Variants in CSMD1 observed in about 807,000 individuals in gnomAD.
The protein encoded by CSMD1 is CUB and Sushi multiple domains 1.
In CSMD1, 213 loss-of-function variants were observed where a neutral mutation model predicts 417.5. The observed-to-expected ratio is 0.51, with a 90% CI of 0.46 to 0.57. The LOEUF (loss-of-function observed/expected upper bound fraction) is 0.57. Among genes scored for constraint, CSMD1 ranks in the 20% least tolerant of loss-of-function variants. CSMD1 has a pLI of 0.00. For synonymous variants in CSMD1, 2,862 were observed against 1,736.8 expected, an observed-to-expected ratio of 1.65 and a Z score of -16.11; for missense variants, 6,923 against 4,529.7, an observed-to-expected ratio of 1.53 and a Z score of -15.17.
At chr8:4,196,949 C>G (rs189396809) in intron 3 of CSMD1, among the ~76,000 whole-genome samples, 134 of 152,268 alleles carry the variant, frequency 8.8e-4, no homozygotes, top group African/African-American at 1.2e-3. Context: ...GTTCTTTGCT[C>G]CAATTTTAGT....
At chr8:3,384,807 A>ATACTATATATAAATATATGCTATT in intron 18 of CSMD1, among the ~76,000 whole-genome samples, 1 of 124,202 alleles carries the variant, frequency 8.1e-6, no homozygotes, top group Admixed American at 9.7e-5. Flanking sequence ...TGCTATTTAT[A>ATACTATATATAAATATATGCTATT]TATAAATATA....
intron 10 of CSMD1, among the ~76,000 whole-genome samples, chr8:3,543,110 C>G (rs748724665): frequency 3.9e-5 from 6 of 152,178 alleles, no homozygotes; most frequent in Non-Finnish European, 7.3e-5. Flanking sequence ...GTGAGCAAAT[C>G]TGTGCATCCT....
At chr8:4,358,057 TG>T (rs1453192769) in intron 3 of CSMD1, among the ~76,000 whole-genome samples, 1 of 152,212 alleles carries the variant, frequency 6.6e-6, no homozygotes, top group Non-Finnish European at 1.5e-5. Flanking sequence ...CTGATTTACA[TG>T]TATACTTACG....
At chr8:4,452,743 C>G (rs907184812) in intron 2 of CSMD1, among the ~76,000 whole-genome samples, 5 of 152,040 alleles carry the variant, frequency 3.3e-5, no homozygotes, top group Non-Finnish European at 7.4e-5. Context: ...ACAGGTTATT[C>G]ATCTTTCAAC....
intron 6 of CSMD1, among the ~76,000 whole-genome samples, chr8:3,742,381 A>G (rs553600189): frequency 1.7e-4 from 26 of 152,304 alleles, no homozygotes; most frequent in African/African-American, 6.3e-4. Flanking sequence ...ATTTTTCAAG[A>G]ACTATAAGTA....
chr8:4,603,481 A>G (rs1250841255), intron 2 of CSMD1, among the ~76,000 whole-genome samples: 1 of 152,156 alleles, frequency 6.6e-6, no homozygotes. Flanking sequence ...TGTTCCATAA[A>G]TAATAAAGGT....
At chr8:3,003,971 G>C (rs946248500) in intron 52 of CSMD1, among the ~76,000 whole-genome samples, 1 of 152,190 alleles carries the variant, frequency 6.6e-6, no homozygotes, top group Non-Finnish European at 1.5e-5. Context: ...GTCCAGCTTA[G>C]TACATAGTAG....
chr8:4,871,321 A>G (rs1802727858), intron 1 of CSMD1, among the ~76,000 whole-genome samples: 1 of 152,158 alleles, frequency 6.6e-6, no homozygotes, highest in South Asian at 2.1e-4. Context: ...TCACGGATTT[A>G]GATTTTCTGA....
chr8:3,747,123 G>C (rs868773107), intron 6 of CSMD1, among the ~76,000 whole-genome samples: 1 of 152,234 alleles, frequency 6.6e-6, no homozygotes, highest in Non-Finnish European at 1.5e-5. Context: ...CAGTTGTAAA[G>C]ACTGACATGA....
chr8:4,378,743 T>C (rs1802911668), intron 3 of CSMD1, among the ~76,000 whole-genome samples: 1 of 152,114 alleles, frequency 6.6e-6, no homozygotes, highest in Admixed American at 6.5e-5. Flanking sequence ...CTTTGGGAGA[T>C]TATGAGGTTA....
intron 1 of CSMD1, among the ~76,000 whole-genome samples, chr8:4,736,352 T>A (rs1810233438): frequency 6.6e-6 from 1 of 152,060 alleles, no homozygotes; most frequent in South Asian, 2.1e-4. Context: ...AATAAGGAGA[T>A]CACAATGGTT....
At chr8:4,512,862 G>T (rs549135553) in intron 2 of CSMD1, among the ~76,000 whole-genome samples, 1 of 150,480 alleles carries the variant, frequency 6.6e-6, no homozygotes, top group Admixed American at 6.6e-5. Context: ...CAGCTCTTTC[G>T]AACTTTAAAT....
chr8:4,230,152 T>G (rs771197016), intron 3 of CSMD1, among the ~76,000 whole-genome samples: 52 of 152,344 alleles, frequency 3.4e-4, no homozygotes, highest in South Asian at 8.3e-4. Flanking sequence ...CATATTGCAG[T>G]GCTGGGTATG....
chr8:4,887,366 G>C (rs2116983532), intron 1 of CSMD1, among the ~76,000 whole-genome samples: 1 of 152,060 alleles, frequency 6.6e-6, no homozygotes, highest in Non-Finnish European at 1.5e-5. Flanking sequence ...AATGTATTAA[G>C]GCTTATTTTA....
At chr8:3,270,128 C>A (rs2117145282) in intron 26 of CSMD1, among the ~76,000 whole-genome samples, 1 of 149,520 alleles carries the variant, frequency 6.7e-6, no homozygotes, top group African/African-American at 2.5e-5. Context: ...TGGCCCACTG[C>A]AACCTCTGCC....
chr8:3,308,658 G>C (rs1322979606), intron 23 of CSMD1, among the ~76,000 whole-genome samples, 155 bp from the exon 24 acceptor site: 4 of 151,234 alleles, frequency 2.6e-5, no homozygotes, highest in East Asian at 2.0e-4. Context: ...AGATGGGTCT[G>C]TACTGGGGCT....
chr8:3,715,154 C>T (rs1296344737), intron 6 of CSMD1, among the ~76,000 whole-genome samples: 3 of 152,148 alleles, frequency 2.0e-5, no homozygotes, highest in African/African-American at 7.2e-5. Context: ...ATTTTAAACA[C>T]ACATTTAATT....
intron 3 of CSMD1, among the ~76,000 whole-genome samples, chr8:4,208,584 C>T (rs997219196): frequency 6.6e-6 from 1 of 151,844 alleles, no homozygotes; most frequent in Non-Finnish European, 1.5e-5. Flanking sequence ...TTTCTTTTTC[C>T]TACTGAAATT....
chr8:4,109,594 T>A (rs1563135352), intron 3 of CSMD1, among the ~76,000 whole-genome samples: 2 of 152,164 alleles, frequency 1.3e-5, no homozygotes, highest in Admixed American at 6.5e-5. Context: ...GCAGGAGCAT[T>A]TGCCTTTGGA....
Sources: gnomAD v4.1 joint callset for allele counts (sites outside exome capture counted in the v4.1 genomes callset) on GRCh38, gnomAD v4.1.1 for gene constraint, MANE v1.5 for transcripts, NCBI Gene and HGNC (gene_info 2026-07-23, HGNC 2026-07-21) for gene names.